Variants in REL observed in about 807,000 individuals in gnomAD.
The protein encoded by REL is REL proto-oncogene, NF-kB subunit.
In REL, 15 loss-of-function variants were observed where a neutral mutation model predicts 45.9. The observed-to-expected ratio is 0.33, with a 90% confidence interval of 0.22 to 0.50. The LOEUF (loss-of-function observed/expected upper bound fraction) is 0.50. Among genes scored for constraint, REL ranks in the 20% least tolerant of loss-of-function variants. The probability of loss-of-function intolerance (pLI) is 0.98; values close to 1 mark genes in which losing one functional copy is unlikely to be tolerated. For missense variants in REL, 601 were observed against 715.2 expected (o/e 0.84, Z 1.82); for synonymous variants, 239 against 242.1 (o/e 0.99, Z 0.12).
Position 60,918,446 on chromosome 2 carries a change from T to C in REL, c.693T>C (p.Phe231=). 1.2e-6 allele frequency: 2 copies of C among 1,614,158 alleles called. No homozygotes were observed. The highest frequency in any genetic ancestry group is 1.7e-6 in the Non-Finnish European group (2 of 1,180,012). The change falls in exon 7 of 10, where the codon TTT becomes TTC. Residue 231 remains phenylalanine, a synonymous_variant. Coordinates refer to ENST00000394479, the MANE Select transcript of REL (RefSeq NM_001291746.2). ...ACGATTGGGAAGCAAAAGGCATCTT[T>C]TCACAAGCTGATGTACACCGTCAAG... The part of the protein sequence containing the change: ...VLNDWEAKGI[F]SQADVHRQVA...
chr2:60,894,356 A>G, intron 2 of REL, 41 bp from the exon 3 acceptor site: 1 of 1,225,320 alleles, frequency 8.2e-7, no homozygotes, highest in Non-Finnish European at 1.1e-6. Flanking sequence ...TTTATAATGC[A>G]GTCTATTTGG....
chr2:60,899,604 A>G (rs1673443461), intron 3 of REL: 1 of 152,400 alleles, frequency 6.6e-6, no homozygotes, highest in African/African-American at 2.4e-5. Flanking sequence ...AGACAGCATG[A>G]GTATGGAGAC....
At chr2:60,882,984 TGA>T (rs1402229620) in intron 1 of REL, among the ~76,000 whole-genome samples, 2 of 150,706 alleles carry the variant, frequency 1.3e-5, no homozygotes, top group African/African-American at 4.9e-5. Flanking sequence ...AGCTTAAGGT[TGA>T]GGGGGACGGG....
chr2:60,920,342 A>G, intron 8 of REL: 1 of 616,778 alleles, frequency 1.6e-6, no homozygotes, highest in Non-Finnish European at 2.9e-6. Context: ...CTGAGATTAC[A>G]GGCATGTGCC....
In REL at chr2:60,920,110, G is replaced by A. The variant is rs778774642; in HGVS notation, c.922+1G>A. 1 of 1,599,662 alleles carries A rather than the reference G, an allele frequency of 6.3e-7. No homozygotes were observed. The highest frequency in any genetic ancestry group is 8.6e-7 in the Non-Finnish European group (1 of 1,169,058). ...TTCCAGAAACTGTGCCAGGATCACG[G>A]TAAGAATAGTTTGGATCGATTCATA... On this transcript the variant is annotated splice_donor_variant, in intron 8 of 9. Coordinates refer to ENST00000394479, the MANE Select transcript of REL (RefSeq NM_001291746.2). LOFTEE classifies it high-confidence loss of function.
At chr2:60,903,975 A>T (rs1425400636) in intron 4 of REL, among the ~76,000 whole-genome samples, 1 of 152,174 alleles carries the variant, frequency 6.6e-6, no homozygotes, top group Non-Finnish European at 1.5e-5. Context: ...CTCAGGCATG[A>T]TATTAATAGT....
intron 8 of REL, 51 bp from the exon 9 acceptor site, chr2:60,920,523 A>C: frequency 1.5e-6 from 2 of 1,377,600 alleles, no homozygotes; most frequent in Non-Finnish European, 2.1e-6. Context: ...TTTAACTGAT[A>C]ATGTTATTTT....
chr2:60,905,252 A>G (rs971781051), intron 4 of REL, among the ~76,000 whole-genome samples: 1 of 151,990 alleles, frequency 6.6e-6, no homozygotes, highest in Admixed American at 6.6e-5. Context: ...CCGCCACCGC[A>G]CCCGGCTAAT....
chr2:60,916,829 T>C lies in REL; in HGVS notation c.395-48T>C, dbSNP rs776876815. On this transcript the variant is annotated intron_variant, in intron 4 of 9. Coordinates refer to ENST00000394479, the MANE Select transcript of REL (RefSeq NM_001291746.2). Reference sequence around the variant, plus strand: ...CAGGGAGGAGGACCTAGCAAGTCTTTAGGTCTATGTGACTATTACATTTAA... The same window carrying C: ...CAGGGAGGAGGACCTAGCAAGTCTTCAGGTCTATGTGACTATTACATTTAA... The C allele has an allele frequency of 5.6e-6, 8 of 1,419,156 alleles. No individual in the cohort carries two copies. The African/African-American group carries it at 7.1e-5, about 13-fold the overall frequency. 87.9% of individuals were successfully genotyped at this position (1,419,156 alleles called of 1,614,324 possible). A position where few individuals can be genotyped will look rare whatever the true frequency, so the allele number is the denominator to read the frequency against.
intron 1 of REL, among the ~76,000 whole-genome samples, chr2:60,887,685 G>T (rs1673103678): frequency 6.7e-6 from 1 of 149,866 alleles, no homozygotes; most frequent in Non-Finnish European, 1.5e-5. Context: ...TTACTTGGTT[G>T]TAATACTCTA....
chr2:60,916,397 G>C (rs564650092), intron 4 of REL, among the ~76,000 whole-genome samples: 1 of 152,326 alleles, frequency 6.6e-6, no homozygotes, highest in South Asian at 2.1e-4. Context: ...CTGGGCAACA[G>C]AGTGAGACCC....
chr2:60,896,349 A>G (rs1166709604), intron 3 of REL, among the ~76,000 whole-genome samples: 1 of 152,138 alleles, frequency 6.6e-6, no homozygotes, highest in Non-Finnish European at 1.5e-5. Flanking sequence ...GAATAATTTT[A>G]TTTTTGTTTA....
intron 5 of REL, among the ~76,000 whole-genome samples, chr2:60,917,515 T>A: frequency 6.8e-6 from 1 of 147,376 alleles, no homozygotes; most frequent in South Asian, 2.1e-4. Flanking sequence ...TATTCTTGTA[T>A]ATTTTTTTTT....
At chr2:60,919,726 AT>A (rs1305374359) in intron 7 of REL, among the ~76,000 whole-genome samples, 1 of 150,696 alleles carries the variant, frequency 6.6e-6, no homozygotes, top group Non-Finnish European at 1.5e-5. Context: ...CGCCTGGCCA[AT>A]TTTTCTGTTT....
chr2:60,914,364 T>C (rs1019968150), intron 4 of REL, among the ~76,000 whole-genome samples: 1 of 152,200 alleles, frequency 6.6e-6, no homozygotes, highest in Non-Finnish European at 1.5e-5. Context: ...TAATTGTATT[T>C]CCACACATTG....
At chr2:60,887,891 A>G (rs560431445) in intron 1 of REL, among the ~76,000 whole-genome samples, 57 of 151,226 alleles carry the variant, frequency 3.8e-4, no homozygotes, top group African/African-American at 1.4e-3. Flanking sequence ...CATGTAACCA[A>G]TGAAGTTTTG....
intron 1 of REL, among the ~76,000 whole-genome samples, chr2:60,887,659 A>C (rs1360717551): frequency 6.7e-6 from 1 of 150,168 alleles, no homozygotes; most frequent in Admixed American, 6.6e-5. Flanking sequence ...AATGTAGAGT[A>C]TTACAGTATA....
chr2:60,902,273 A>G (rs1172435332), intron 4 of REL, among the ~76,000 whole-genome samples: 1 of 152,198 alleles, frequency 6.6e-6, no homozygotes, highest in Non-Finnish European at 1.5e-5. Context: ...TAAGATCTGC[A>G]TCTCTTTAGG....
rs1205984123 is a variant in REL at position 60,882,305 on chromosome 2, C to G, written c.10+455C>G. 4.6e-5 allele frequency among the ~76,000 whole-genome samples: 7 copies of G among 152,136 alleles called. No homozygotes were observed. In the South Asian group the frequency reaches 8.3e-4, roughly 18 times the overall value. ...GTACTGACAGTTGTACAAAATGTGTCACGGCTTTAAAAATCATCCGTGGTA... is the reference window on the plus strand; with the variant it reads ...GTACTGACAGTTGTACAAAATGTGTGACGGCTTTAAAAATCATCCGTGGTA... On this transcript the variant is annotated intron_variant, in intron 1 of 9. Coordinates refer to ENST00000394479, the MANE Select transcript of REL (RefSeq NM_001291746.2).
Sources: gnomAD v4.1 joint callset for allele counts (sites outside exome capture counted in the v4.1 genomes callset) on GRCh38, gnomAD v4.1.1 for gene constraint, MANE v1.5 for transcripts, NCBI Gene and HGNC (gene_info 2026-07-23, HGNC 2026-07-21) for gene names.